Variants in CFAP97 observed in about 807,000 individuals in gnomAD.
The protein encoded by CFAP97 is cilia and flagella associated protein 97.
CFAP97 carries 36 observed loss-of-function variants against 43.1 expected under a neutral mutation model. That is an observed-to-expected ratio of 0.84 (90% CI 0.64 to 1.10). The LOEUF (loss-of-function observed/expected upper bound fraction) is 1.10, where lower values mean the gene tolerates loss of function less well. CFAP97 is among the 50% of genes least tolerant of loss of function. The probability of loss-of-function intolerance (pLI) is 0.00; values close to 1 mark genes in which losing one functional copy is unlikely to be tolerated. For missense variants in CFAP97, 657 were observed against 620.3 expected (o/e 1.06, Z -0.63); for synonymous variants, 228 against 225.7 (o/e 1.01, Z -0.09).
At chr4:185,163,968 G>T (rs373552665) in intron 4 of CFAP97, 61 bp downstream of exon 4, 36 of 1,470,114 alleles carry the variant, frequency 2.4e-5, no homozygotes, top group Non-Finnish European at 3.4e-5. Flanking sequence ...AACATGTTAC[G>T]TTTTTTTAAA....
intron 1 of CFAP97, among the ~76,000 whole-genome samples, chr4:185,197,427 A>AT (rs200250759): frequency 0.047 from 6,761 of 144,438 alleles, 250 homozygotes; most frequent in East Asian, 0.15. Context: ...TTGTTTTTGA[A>AT]TTTTTTTTTT....
intron 1 of CFAP97, among the ~76,000 whole-genome samples, chr4:185,202,562 C>A (rs111425386): frequency 0.1 from 15,075 of 144,478 alleles, 991 homozygotes; most frequent in Non-Finnish European, 0.12. Flanking sequence ...AACAAACAAA[C>A]AAAAAAAATC....
chr4:185,159,742 GA>G lies in CFAP97; in HGVS notation c.*3055del, dbSNP rs1734810526. Reference sequence around the variant, plus strand: ...GCCTAAAATACATTAAAATGGAACAGAAAATCTTAAAAGGATGTTAATTTTA... The same window carrying G: ...GCCTAAAATACATTAAAATGGAACAGAAATCTTAAAAGGATGTTAATTTTA... On this transcript the variant is annotated 3_prime_UTR_variant, in exon 5 of 5. Transcript: ENST00000458385. 1 of 152,150 alleles carries G rather than the reference GA, an allele frequency of 6.6e-6. No homozygotes were observed. Among genetic ancestry groups the G allele is most frequent in the Non-Finnish European group, 1.5e-5 (1 of 68,028 alleles). The allele number at this position is 152,150 out of a possible 1,614,324, so 9.4% of individuals were successfully genotyped here.
chr4:185,204,781 T>C (rs992266529), upstream of CFAP97, among the ~76,000 whole-genome samples: 1 of 151,810 alleles, frequency 6.6e-6, no homozygotes, highest in African/African-American at 2.4e-5. Context: ...GAGGTTGGAG[T>C]GATGTCAGAG....
intron 2 of CFAP97, among the ~76,000 whole-genome samples, chr4:185,185,047 T>C (rs1043534196): frequency 6.6e-6 from 1 of 152,228 alleles, no homozygotes; most frequent in African/African-American, 2.4e-5. Context: ...ACTAGACATA[T>C]TGAACATTTT....
At chr4:185,169,434 G>T in intron 3 of CFAP97, 1 of 248,002 alleles carries the variant, frequency 4.0e-6, no homozygotes, top group Non-Finnish European at 6.4e-6. Flanking sequence ...CTTCTGCTTC[G>T]CCTTCCAGCA....
chr4:185,170,451 C>T, intron 3 of CFAP97: 2 of 385,090 alleles, frequency 5.2e-6, no homozygotes, highest in South Asian at 9.6e-5. Context: ...CTCTTGTTGC[C>T]CAGGCGAGTA....
At chr4:185,176,921 A>AT (rs1433594909) in intron 2 of CFAP97, among the ~76,000 whole-genome samples, 2 of 152,228 alleles carry the variant, frequency 1.3e-5, no homozygotes, top group African/African-American at 4.8e-5. Flanking sequence ...GTAAAAGTCA[A>AT]ACATTTTATT....
chr4:185,193,108 A>G (rs572665301), intron 1 of CFAP97, among the ~76,000 whole-genome samples: 1 of 152,254 alleles, frequency 6.6e-6, no homozygotes, highest in Non-Finnish European at 1.5e-5. Context: ...AGGGGACTGC[A>G]TTTCTGGAGG....
intron 3 of CFAP97, among the ~76,000 whole-genome samples, chr4:185,164,925 C>T (rs377673827): frequency 6.6e-6 from 1 of 152,242 alleles, no homozygotes; most frequent in African/African-American, 2.4e-5. Flanking sequence ...AGAGCAGTGC[C>T]TTTCACCCTG....
At chr4:185,172,471 C>T (rs534117326) in intron 3 of CFAP97, among the ~76,000 whole-genome samples, 1 of 152,290 alleles carries the variant, frequency 6.6e-6, no homozygotes, top group South Asian at 2.1e-4. Flanking sequence ...TAAATAGCCT[C>T]TGAATTGCTA....
chr4:185,190,722 T>C lies in CFAP97; in HGVS notation c.475A>G (p.Lys159Glu). Residue 159 changes from lysine to glutamate, a missense_variant, in exon 2 of 5, where the codon AAA becomes GAA. Lys to Glu is a moderately conservative substitution (Grantham distance 56). Coordinates refer to ENST00000458385, the MANE Select transcript of CFAP97 (RefSeq NM_020827.3). The stretch of plus-strand genomic sequence containing the variant: ...CAATACTTTTTCCTTATGCTTTTTT[T>C]AACGTTAGTAGATGGTTTAGCGGAC... The part of the protein sequence containing the change: ...SKSAKPSTNV[K>E]KSIRKKYCKV... 6.4e-7 allele frequency: 1 copy of C among 1,574,432 alleles called. No homozygotes were observed. The highest frequency in any genetic ancestry group is 8.6e-7 in the Non-Finnish European group (1 of 1,158,128).
intron 3 of CFAP97, among the ~76,000 whole-genome samples, chr4:185,166,468 T>G (rs1245268974): frequency 6.6e-6 from 1 of 152,252 alleles, no homozygotes; most frequent in Non-Finnish European, 1.5e-5. Flanking sequence ...TCATTTTTGC[T>G]TTTTTGCTGG....
intron 2 of CFAP97, 67 bp from the exon 3 acceptor site, chr4:185,176,118 T>C: frequency 7.9e-7 from 1 of 1,270,224 alleles, no homozygotes; most frequent in Non-Finnish European, 1.0e-6. Context: ...GCTTTTTTTT[T>C]TTTTCTCTTT....
chr4:185,183,148 G>A (rs1735869317), intron 2 of CFAP97, among the ~76,000 whole-genome samples: 1 of 152,040 alleles, frequency 6.6e-6, no homozygotes, highest in Non-Finnish European at 1.5e-5. Context: ...GATGTGGTTG[G>A]CTATACAGGT....
chr4:185,187,091 T>C (rs1736034019), intron 2 of CFAP97, among the ~76,000 whole-genome samples: 1 of 152,148 alleles, frequency 6.6e-6, no homozygotes, highest in Non-Finnish European at 1.5e-5. Context: ...TTACCCCAGA[T>C]GGCTTGATTA....
chr4:185,198,164 C>T lies in CFAP97; in HGVS notation c.-17+5734G>A, dbSNP rs112810158. ...GTTTAAGAAAAGAAGCCTGCTCAGC[C>T]GGGTGTGGTGGCTCACGCCTATAAT... On this transcript the variant is annotated intron_variant, in intron 1 of 4. Transcript: ENST00000458385. Among the ~76,000 whole-genome samples, 5 of 152,276 alleles carry T rather than the reference C, an allele frequency of 3.3e-5. 1 individual carries two copies. The highest frequency in any genetic ancestry group is 7.2e-5 in the African/African-American group (3 of 41,558).
chr4:185,190,669 A>AGAG lies in CFAP97; in HGVS notation c.525_527dup (p.Ser176dup). ...CTGAACCTGAAGATGAGGAAGATAA[A>AGAG]GAGGAGGAGGAAGAGGAGCTAACTT... On this transcript the variant is annotated inframe_insertion, in exon 2 of 5. Coordinates refer to ENST00000458385, the MANE Select transcript of CFAP97 (RefSeq NM_020827.3). The AGAG allele has an allele frequency of 2.5e-6, 4 of 1,578,034 alleles. No homozygotes were observed. Among genetic ancestry groups the AGAG allele is most frequent in the Non-Finnish European group, 3.4e-6 (4 of 1,160,612 alleles).
chr4:185,198,575 AG>A (rs1736667833), intron 1 of CFAP97, among the ~76,000 whole-genome samples: 1 of 152,094 alleles, frequency 6.6e-6, no homozygotes, highest in South Asian at 2.1e-4. Context: ...AGATCACCTC[AG>A]GTCAGGAGTT....
Sources: gnomAD v4.1 joint callset for allele counts (sites outside exome capture counted in the v4.1 genomes callset) on GRCh38, gnomAD v4.1.1 for gene constraint, MANE v1.5 for transcripts, NCBI Gene and HGNC (gene_info 2026-07-23, HGNC 2026-07-21) for gene names.